CLMN: variants seen among roughly 807,000 people sequenced by gnomAD.
The protein encoded by CLMN is calmin (calponin-like, transmembrane).
A neutral mutation model predicts 92.7 loss-of-function variants in CLMN; 57 were observed. The ratio of observed to expected loss-of-function variants is 0.61; its 90% confidence interval spans 0.50 to 0.77. The LOEUF (loss-of-function observed/expected upper bound fraction) is 0.77, where lower values mean the gene tolerates loss of function less well. Among genes scored for constraint, CLMN ranks in the 30% least tolerant of loss-of-function variants. CLMN has a pLI of 0.00. For synonymous variants in CLMN, 466 were observed against 470.6 expected, an observed-to-expected ratio of 0.99 and a Z score of 0.13; for missense variants, 1,158 against 1,237.5, an observed-to-expected ratio of 0.94 and a Z score of 0.96.
chr14:95,281,239 A>C (rs1284296213), intron 1 of CLMN, among the ~76,000 whole-genome samples: 1 of 152,208 alleles, frequency 6.6e-6, no homozygotes, highest in Admixed American at 6.5e-5. Context: ...GGCTGGGTTC[A>C]AGGCTTTAAA....
intron 1 of CLMN, among the ~76,000 whole-genome samples, chr14:95,292,213 A>T (rs1210640762): frequency 6.6e-6 from 1 of 152,262 alleles, no homozygotes; most frequent in Non-Finnish European, 1.5e-5. Context: ...AAGCCCAAAA[A>T]GAAAATGCAT....
chr14:95,186,500 G>A lies in CLMN; in HGVS notation c.*5064C>T, dbSNP rs1896443512. The A allele has an allele frequency of 6.6e-6, 1 of 152,222 alleles. No homozygotes were observed. Among genetic ancestry groups the A allele is most frequent in the Non-Finnish European group, 1.5e-5 (1 of 68,052 alleles). The allele number at this position is 152,222 out of a possible 1,614,324, so 9.4% of individuals were successfully genotyped here. On this transcript the variant is annotated 3_prime_UTR_variant, in exon 13 of 13. Coordinates refer to ENST00000298912, the MANE Select transcript of CLMN (RefSeq NM_024734.4). ...ATGGCAAGATACAAACTTCGACGAG[G>A]CAATGTTGGCCACGTTCAACAGAGA... is the stretch of plus-strand genomic sequence containing the variant.
In CLMN at chr14:95,211,648, T is replaced by C. The variant is rs571943365; in HGVS notation, c.609-769A>G. The stretch of plus-strand genomic sequence containing the variant: ...TCTCAACCGTGGTCAATAAACGCTC[T>C]TAAAAAAAAAAAAAAAAACCAAAAA... On this transcript the variant is annotated intron_variant, in intron 6 of 12. Coordinates refer to ENST00000298912, the MANE Select transcript of CLMN (RefSeq NM_024734.4). Among the ~76,000 whole-genome samples the C allele has an allele frequency of 2.3e-4, 30 of 127,692 alleles. No homozygotes were observed. In the East Asian group the frequency reaches 3.6e-3, roughly 15 times the overall value. 83.8% of individuals were successfully genotyped at this position (127,692 alleles called of 152,430 possible). A position where few individuals can be genotyped will look rare whatever the true frequency, so the allele number is the denominator to read the frequency against.
intron 4 of CLMN, among the ~76,000 whole-genome samples, chr14:95,217,834 G>A (rs1185192271): frequency 1.3e-5 from 2 of 152,230 alleles, no homozygotes; most frequent in African/African-American, 4.8e-5. Context: ...ACACCATGGT[G>A]CACCATCCCA....
At chr14:95,196,913 G>A (rs761828007) in intron 9 of CLMN, among the ~76,000 whole-genome samples, 17 of 152,208 alleles carry the variant, frequency 1.1e-4, no homozygotes, top group Non-Finnish European at 2.1e-4. Context: ...GCTACAAATT[G>A]ATGGAGTTAA....
chr14:95,316,751 A>G (rs934806868), intron 1 of CLMN, among the ~76,000 whole-genome samples: 1 of 152,188 alleles, frequency 6.6e-6, no homozygotes, highest in Non-Finnish European at 1.5e-5. Flanking sequence ...CTGAAATGCA[A>G]TATCCCAGAG....
At chr14:95,299,448 C>T (rs1440973287) in intron 1 of CLMN, among the ~76,000 whole-genome samples, 2 of 152,178 alleles carry the variant, frequency 1.3e-5, no homozygotes, top group African/African-American at 4.8e-5. Flanking sequence ...TTCATTCATG[C>T]CACTGTTTGC....
intron 1 of CLMN, among the ~76,000 whole-genome samples, chr14:95,280,381 T>C (rs751670147): frequency 6.6e-6 from 1 of 152,162 alleles, no homozygotes; most frequent in Non-Finnish European, 1.5e-5. Context: ...TCATGTAACA[T>C]TAAAAGATAA....
At position 95,203,065 on chromosome 14, in the gene CLMN, C is replaced by T. The variant is rs751991889; in HGVS notation, c.2284G>A (p.Gly762Ser). ...NEEMDLEEPE[G>S]YMPDLDSREE... Reference sequence around the variant, plus strand: ...CTGGAGTCCAGGTCTGGCATATAGCCCTCTGGCTCTTCGAGATCCATTTCT... The same window carrying T: ...CTGGAGTCCAGGTCTGGCATATAGCTCTCTGGCTCTTCGAGATCCATTTCT... The change falls in exon 9 of 13, where the codon GGC becomes AGC. Residue 762 changes from glycine (G) to serine (S), a missense_variant. Physicochemically the swap from Gly to Ser is moderately conservative, Grantham distance 56. Transcript: ENST00000298912. 1 of 1,614,110 alleles carries T rather than the reference C, an allele frequency of 6.2e-7. No homozygotes were observed. Among genetic ancestry groups the T allele is most frequent in the Non-Finnish European group, 8.5e-7 (1 of 1,180,012 alleles).
chr14:95,269,490 A>T (rs933386736), intron 1 of CLMN, among the ~76,000 whole-genome samples: 4 of 152,260 alleles, frequency 2.6e-5, no homozygotes, highest in African/African-American at 9.6e-5. Flanking sequence ...GGCCAGACCC[A>T]AGTCACAGCT....
At chr14:95,209,345 C>T (rs778684944) in intron 8 of CLMN, 50 bp downstream of exon 8, 15 of 1,552,814 alleles carry the variant, frequency 9.7e-6, no homozygotes, top group African/African-American at 6.8e-5. Context: ...TGATGGCCAG[C>T]GGATGGAAAT....
chr14:95,199,736 C>G (rs1187623), intron 9 of CLMN, among the ~76,000 whole-genome samples: 18,222 of 151,682 alleles, frequency 0.12, 1,588 homozygotes, highest in East Asian at 0.43. Context: ...GGGAGGAGGT[C>G]GGAGGGCTTC....
intron 4 of CLMN, among the ~76,000 whole-genome samples, chr14:95,217,140 G>A (rs561745917): frequency 6.6e-6 from 1 of 152,370 alleles, no homozygotes; most frequent in African/African-American, 2.4e-5. Flanking sequence ...TAAAGCAAAA[G>A]TCTAAGTCAT....
In CLMN at chr14:95,319,675, G is replaced by T. The variant is rs373549055; in HGVS notation, c.82+36C>A. The T allele has an allele frequency of 3.8e-6, 6 of 1,559,214 alleles. No homozygotes were observed. In the East Asian group the frequency reaches 7.1e-5, roughly 18 times the overall value. ...GAGCGGCGCCCCGGGCCCCCCGAGC[G>T]CCCAGCCATCCCGGGGCGAGCCTGG... On this transcript the variant is annotated intron_variant, in intron 1 of 12. Coordinates refer to ENST00000298912, the MANE Select transcript of CLMN (RefSeq NM_024734.4).
chr14:95,245,388 A>G (rs113791323), intron 1 of CLMN, among the ~76,000 whole-genome samples: 3,669 of 146,862 alleles, frequency 0.025, 70 homozygotes, highest in African/African-American at 0.042. Flanking sequence ...GAGTGAATGC[A>G]TAAGTAGGCA....
intron 1 of CLMN, among the ~76,000 whole-genome samples, chr14:95,241,070 C>T (rs1368009538): frequency 6.6e-6 from 1 of 151,776 alleles, no homozygotes; most frequent in East Asian, 1.9e-4. Flanking sequence ...CTCTTGTGTT[C>T]AGTTATTTAA....
At chr14:95,263,861 G>A (rs1899357977) in intron 1 of CLMN, among the ~76,000 whole-genome samples, 1 of 152,194 alleles carries the variant, frequency 6.6e-6, no homozygotes. Context: ...TCACACAAGT[G>A]ACTGGCACAG....
chr14:95,258,233 G>A (rs1899085382), intron 1 of CLMN, among the ~76,000 whole-genome samples: 1 of 151,102 alleles, frequency 6.6e-6, no homozygotes, highest in Admixed American at 6.6e-5. Context: ...TGCATGGTGT[G>A]TACATATGTA....
Position 95,318,694 on chromosome 14 carries a change from G to C in CLMN, c.82+1017C>G, listed in dbSNP as rs112027884. 2.3e-3 allele frequency among the ~76,000 whole-genome samples: 348 copies of C among 152,224 alleles called. 2 individuals are homozygous for C. Among genetic ancestry groups the C allele is most frequent in the African/African-American group, 7.5e-3 (313 of 41,518 alleles). ...TTGAACCCTCTAGAAACCCAAGCCA[G>C]CAGGGGAAGCAGCTACAGAAACTTC... On this transcript the variant is annotated intron_variant, in intron 1 of 12. Coordinates refer to ENST00000298912, the MANE Select transcript of CLMN (RefSeq NM_024734.4).
Sources: gnomAD v4.1 joint callset for allele counts (sites outside exome capture counted in the v4.1 genomes callset) on GRCh38, gnomAD v4.1.1 for gene constraint, MANE v1.5 for transcripts, NCBI Gene and HGNC (gene_info 2026-07-23, HGNC 2026-07-21) for gene names.